The following TMEM120B variants were observed in gnomAD, a reference collection of about 807,000 sequenced individuals.
TMEM120B encodes transmembrane protein 120B.
Under a neutral mutation model 55.5 loss-of-function variants are expected in TMEM120B, and 31 were observed. The ratio of observed to expected loss-of-function variants is 0.56; its 90% CI spans 0.42 to 0.75. The LOEUF (loss-of-function observed/expected upper bound fraction) is 0.75, where lower values mean the gene tolerates loss of function less well. Ranked by LOEUF, TMEM120B falls within the 30% of genes least tolerant of loss-of-function variation. The pLI, the probability that TMEM120B is intolerant of heterozygous loss-of-function variation, is 0.00. For missense variants in TMEM120B, 399 were observed against 425.5 expected, an observed-to-expected ratio of 0.94 and a Z score of 0.55; for synonymous variants, 203 against 176.3, an observed-to-expected ratio of 1.15 and a Z score of -1.20.
At chr12:121,766,308 C>CT (rs1873847766) in intron 6 of TMEM120B, among the ~76,000 whole-genome samples, 3 of 130,174 alleles carry the variant, frequency 2.3e-5, no homozygotes, top group African/African-American at 9.8e-5. Context: ...AGCAAGTCAG[C>CT]TCTTGTAAAC....
intron 6 of TMEM120B, 103 bp downstream of exon 6, chr12:121,761,841 C>T (rs960952698): frequency 2.0e-5 from 17 of 864,156 alleles, no homozygotes; most frequent in African/African-American, 3.3e-5. Flanking sequence ...CATTCCTCTC[C>T]TCCTTGGGGG....
At chr12:121,735,194 A>AC (rs1270418011) in intron 1 of TMEM120B, among the ~76,000 whole-genome samples, 1 of 150,780 alleles carries the variant, frequency 6.6e-6, no homozygotes, top group Non-Finnish European at 1.5e-5. Flanking sequence ...TCAAAAAAAA[A>AC]AAAAAACAAA....
At chr12:121,749,043 C>T (rs1183488802) in intron 3 of TMEM120B, among the ~76,000 whole-genome samples, 6 of 152,168 alleles carry the variant, frequency 3.9e-5, no homozygotes, top group Admixed American at 2.6e-4. Flanking sequence ...CCTGACTTAA[C>T]GCTGCTGAGC....
chr12:121,748,629 C>G (rs1156315620), intron 3 of TMEM120B, among the ~76,000 whole-genome samples, 187 bp downstream of exon 3: 2 of 152,100 alleles, frequency 1.3e-5, no homozygotes, highest in Non-Finnish European at 2.9e-5. Context: ...CTTAGCCACA[C>G]CGTGTGACAG....
intron 1 of TMEM120B, among the ~76,000 whole-genome samples, chr12:121,729,639 GA>G (rs780158144): frequency 0.051 from 6,702 of 131,904 alleles, 464 homozygotes; most frequent in African/African-American, 0.16. Context: ...ATCTCTACAA[GA>G]AAAAAAAAAA....
At position 121,781,525 on chromosome 12, in the gene TMEM120B, T is replaced by G; in HGVS notation, c.*5803T>G. 3.4e-6 allele frequency: 1 copy of G among 289,928 alleles called. No homozygotes were observed. Among genetic ancestry groups the G allele is most frequent in the Non-Finnish European group, 6.7e-6 (1 of 148,884 alleles). The allele number at this position is 289,928 out of a possible 1,614,324, so 18.0% of individuals were successfully genotyped here. On this transcript the variant is annotated 3_prime_UTR_variant, in exon 12 of 12. Transcript: ENST00000449592. ...CCCAGTCCTGGATGGTGGTAAAGAATCCTCAAGATCAAACCCACGCAGTGC... is the reference window on the plus strand; with the variant it reads ...CCCAGTCCTGGATGGTGGTAAAGAAGCCTCAAGATCAAACCCACGCAGTGC...
intron 1 of TMEM120B, among the ~76,000 whole-genome samples, chr12:121,716,724 G>A (rs929897368): frequency 3.3e-5 from 5 of 151,666 alleles, no homozygotes; most frequent in Admixed American, 1.3e-4. Context: ...CACCGTGCCC[G>A]GCTAATTTTT....
intron 1 of TMEM120B, among the ~76,000 whole-genome samples, chr12:121,713,729 A>G (rs756388580): frequency 9.2e-5 from 14 of 152,134 alleles, no homozygotes; most frequent in Non-Finnish European, 1.8e-4. Context: ...TAAGAGGTTC[A>G]GAGAGGCCCC....
At chr12:121,750,883 A>G (rs1280816271) in intron 4 of TMEM120B, among the ~76,000 whole-genome samples, 1 of 31,540 alleles carries the variant, frequency 3.2e-5, no homozygotes, top group Admixed American at 3.7e-4. Flanking sequence ...ACCACACACC[A>G]CACCCCACAT....
At chr12:121,740,031 G>A (rs2137107250) in intron 1 of TMEM120B, among the ~76,000 whole-genome samples, 1 of 151,766 alleles carries the variant, frequency 6.6e-6, no homozygotes, top group South Asian at 2.1e-4. Flanking sequence ...GGCCCATCTT[G>A]GCCTCCCAAA....
chr12:121,726,907 C>CAAAAAAAAAA (rs71305665), intron 1 of TMEM120B, among the ~76,000 whole-genome samples: 14 of 73,714 alleles, frequency 1.9e-4, no homozygotes, highest in African/African-American at 4.5e-4. Flanking sequence ...GACTCTGTCT[C>CAAAAAAAAAA]AAAAAAAAAA....
chr12:121,737,331 C>G (rs932609186), intron 1 of TMEM120B, among the ~76,000 whole-genome samples: 4 of 151,918 alleles, frequency 2.6e-5, no homozygotes, highest in African/African-American at 7.3e-5. Context: ...ATGATGAAAC[C>G]CTGTTTCTAC....
At chr12:121,750,591 A>G (rs1873250110) in intron 4 of TMEM120B, 152 bp downstream of exon 4, 3 of 504,448 alleles carry the variant, frequency 5.9e-6, no homozygotes, top group East Asian at 3.4e-5. Context: ...CTCCACACCA[A>G]CACCCCACCC....
At position 121,776,005 on chromosome 12, in the gene TMEM120B, T is replaced by C. The variant is rs1874233397; in HGVS notation, c.*283T>C. 1.7e-6 allele frequency: 1 copy of C among 593,282 alleles called. No individual in the cohort carries two copies. Among genetic ancestry groups the C allele is most frequent in the Non-Finnish European group, 3.0e-6 (1 of 332,708 alleles). 36.8% of individuals were successfully genotyped at this position (593,282 alleles called of 1,614,324 possible). A position where few individuals can be genotyped will look rare whatever the true frequency, so the allele number is the denominator to read the frequency against. On this transcript the variant is annotated 3_prime_UTR_variant, in exon 12 of 12. Transcript: ENST00000449592. ...GAGGCCGGGCCAGTCTTCCTGGGGA[T>C]GGGGCCTGAAGCCTCAGGGAGCCCC...
At chr12:121,746,649 A>G (rs1873092715) in intron 2 of TMEM120B, among the ~76,000 whole-genome samples, 1 of 151,918 alleles carries the variant, frequency 6.6e-6, no homozygotes, top group Non-Finnish European at 1.5e-5. Flanking sequence ...CCTGCTAGCT[A>G]TTTCTTTAGA....
chr12:121,742,059 G>A lies in TMEM120B; in HGVS notation c.70-1570G>A, dbSNP rs143129439. On this transcript the variant is annotated intron_variant, in intron 1 of 11. Coordinates refer to ENST00000449592, the MANE Select transcript of TMEM120B (RefSeq NM_001080825.2). Reference sequence around the variant, plus strand: ...GCTCTGTCACCTAGGCTGGAGTGCCGTGGCACGATCTCAGCTCACTGCAAC... The same window carrying A: ...GCTCTGTCACCTAGGCTGGAGTGCCATGGCACGATCTCAGCTCACTGCAAC... 2.1e-4 allele frequency among the ~76,000 whole-genome samples: 32 copies of A among 150,102 alleles called. No homozygotes were observed. The East Asian group carries it at 5.3e-3, about 25-fold the overall frequency.
chr12:121,778,130 A>G lies in TMEM120B; in HGVS notation c.*2408A>G, dbSNP rs1052202. On this transcript the variant is annotated 3_prime_UTR_variant, in exon 12 of 12. Transcript: ENST00000449592. ...AGCCAAGCAGCTTGCGACTTCTGGT[A>G]GGCACCGGAATCCCCTGGGATGCTT... 29,160 of 152,094 alleles carry G rather than the reference A, an allele frequency of 0.19. 4,424 individuals carry two copies. The highest frequency in any genetic ancestry group is 0.41 in the African/African-American group (17,072 of 41,422). 9.4% of individuals were successfully genotyped at this position (152,094 alleles called of 1,614,324 possible). A position where few individuals can be genotyped will look rare whatever the true frequency, so the allele number is the denominator to read the frequency against.
At chr12:121,757,706 C>T (rs571463747) in intron 5 of TMEM120B, among the ~76,000 whole-genome samples, 10 of 152,174 alleles carry the variant, frequency 6.6e-5, no homozygotes, top group South Asian at 2.1e-4. Flanking sequence ...TTAGTAGAGA[C>T]GGGGTTTCAC....
intron 6 of TMEM120B, among the ~76,000 whole-genome samples, chr12:121,763,454 A>G (rs113317785): frequency 0.088 from 13,016 of 148,310 alleles, 1,002 homozygotes; most frequent in African/African-American, 0.21. Context: ...GAGCCACTGC[A>G]CCTGGCCGAG....
Sources: gnomAD v4.1 joint callset for allele counts (sites outside exome capture counted in the v4.1 genomes callset) on GRCh38, gnomAD v4.1.1 for gene constraint, MANE v1.5 for transcripts, NCBI Gene and HGNC (gene_info 2026-07-23, HGNC 2026-07-21) for gene names.